Variants in SKOR2 observed in about 807,000 individuals in gnomAD.
The protein encoded by SKOR2 is LBX1 corepressor 1-like protein.
SKOR2 carries 47 observed loss-of-function variants against 69.1 expected under a neutral mutation model. That is an observed-to-expected ratio of 0.68 (90% CI 0.54 to 0.87). The LOEUF is 0.87. Ranked by LOEUF, SKOR2 falls within the 40% of genes least tolerant of loss-of-function variation. The pLI is 0.00. For missense variants in SKOR2, 1,404 were observed against 1,472.2 expected, an observed-to-expected ratio of 0.95 and a Z score of 0.76; for synonymous variants, 717 against 672.6, an observed-to-expected ratio of 1.07 and a Z score of -1.02.
intron 7 of SKOR2, among the ~76,000 whole-genome samples, chr18:47,214,479 C>T (rs575861012): frequency 1.1e-4 from 17 of 151,830 alleles, no homozygotes; most frequent in Non-Finnish European, 2.4e-4. Flanking sequence ...CAAAAAACAA[C>T]AAAGATAAAA....
At chr18:47,225,643 A>G (rs995602352) in intron 6 of SKOR2, among the ~76,000 whole-genome samples, 1 of 152,188 alleles carries the variant, frequency 6.6e-6, no homozygotes, top group Non-Finnish European at 1.5e-5. Context: ...AGAAATGAAC[A>G]CAACAGGACT....
intron 6 of SKOR2, 24 bp downstream of exon 6, chr18:47,230,434 CA>C (rs779392951): frequency 7.9e-7 from 1 of 1,272,222 alleles, no homozygotes; most frequent in South Asian, 2.0e-5. Context: ...ATCATAAATA[CA>C]ATGAAATAAA....
Position 47,247,861 on chromosome 18 carries a change from G to T in SKOR2, c.1323C>A (p.Gly441=). 1.5e-6 allele frequency: 2 copies of T among 1,358,968 alleles called. No homozygotes were observed. The highest frequency in any genetic ancestry group is 3.1e-5 in the East Asian group (1 of 32,000). The allele number at this position is 1,358,968 out of a possible 1,614,324, so 84.2% of individuals were successfully genotyped here. A position where few individuals can be genotyped will look rare whatever the true frequency, so the allele number is the denominator to read the frequency against. ...AGCCGGCCTTGGGCGCCGCGCCCGC[G>T]CCGCCTGCGCCCGCGCCCCCCAGGG... ...AEALGGAGAG[G]AGAAPKAGLS... The change falls in exon 2 of 9, where the codon GGC becomes GGA. Residue 441 remains glycine, a synonymous_variant. Coordinates refer to ENST00000425639, the MANE Select transcript of SKOR2 (RefSeq NM_001278063.4). This position sits in a 1 kb window ranked among gnomAD's most constrained non-coding sequence, Gnocchi z 6.6.
At chr18:47,242,269 C>T (rs1239016859) in intron 4 of SKOR2, among the ~76,000 whole-genome samples, 1 of 152,010 alleles carries the variant, frequency 6.6e-6, no homozygotes, top group Middle Eastern at 3.2e-3. Context: ...TATACAGAGA[C>T]TATTAATATA....
Position 47,230,446 on chromosome 18 carries a change from A to C in SKOR2, c.2917+13T>G, listed in dbSNP as rs1167505605. On this transcript the variant is annotated intron_variant, in intron 6 of 8. Coordinates refer to ENST00000425639, the MANE Select transcript of SKOR2 (RefSeq NM_001278063.4). ...ATTATCATAAATACAATGAAATAAA[A>C]GTGATTTCTTACTGAATACTGGGAA... 2 of 1,352,860 alleles carry C rather than the reference A, an allele frequency of 1.5e-6. No homozygotes were observed. The highest frequency in any genetic ancestry group is 2.7e-5 in the East Asian group (1 of 37,254). The allele number at this position is 1,352,860 out of a possible 1,614,324, so 83.8% of individuals were successfully genotyped here.
chr18:47,243,810 TGCC>T (rs2064259276), intron 4 of SKOR2, among the ~76,000 whole-genome samples: 1 of 152,190 alleles, frequency 6.6e-6, no homozygotes, highest in Admixed American at 6.5e-5. Flanking sequence ...AAACAGGTAA[TGCC>T]ATAATGCACA....
At chr18:47,217,281 T>C (rs1379219322) in intron 7 of SKOR2, among the ~76,000 whole-genome samples, 1 of 152,240 alleles carries the variant, frequency 6.6e-6, no homozygotes, top group East Asian at 1.9e-4. Flanking sequence ...GTACATTTCA[T>C]GTTTATTACT....
Position 47,247,606 on chromosome 18 carries a change from C to T in SKOR2, c.1578G>A (p.Ala526=), listed in dbSNP as rs777479911. 49 of 1,273,382 alleles carry T rather than the reference C, an allele frequency of 3.8e-5. No individual in the cohort carries two copies. The highest frequency in any genetic ancestry group is 8.2e-5 in the Admixed American group (2 of 24,258). The allele number at this position is 1,273,382 out of a possible 1,614,324, so 78.9% of individuals were successfully genotyped here. A position where few individuals can be genotyped will look rare whatever the true frequency, so the allele number is the denominator to read the frequency against. Residue 526 remains alanine, a synonymous_variant, in exon 2 of 9, where the codon GCG becomes GCA. Transcript: ENST00000425639. This position sits in a 1 kb window ranked among gnomAD's most constrained non-coding sequence, Gnocchi z 6.6. ...PGGAAGSAEA[A]PPPGQPPQVV... ...CCTGCGGGGGCTGCCCCGGCGGGGG[C>T]GCGGCCTCGGCGCTCCCAGCAGCAC...
At chr18:47,235,692 A>T (rs537059618) in intron 4 of SKOR2, among the ~76,000 whole-genome samples, 1 of 145,886 alleles carries the variant, frequency 6.9e-6, no homozygotes, top group South Asian at 2.4e-4. Flanking sequence ...TATGAGAAAG[A>T]TGGGTGAGAG....
Position 47,206,900 on chromosome 18 carries a change from A to G in SKOR2, c.*4-8T>C, listed in dbSNP as rs1463170100. On this transcript the variant is annotated splice_polypyrimidine_tract_variant and splice_region_variant and intron_variant, in intron 8 of 8. Transcript: ENST00000425639. The stretch of plus-strand genomic sequence containing the variant: ...GTAAGTAGTTCTGTGCACCTGGGAT[A>G]AGACAAAAGCATAGAATGACAAGCT... The G allele has an allele frequency of 6.6e-6, 1 of 152,244 alleles. No homozygotes were observed. The highest frequency in any genetic ancestry group is 6.5e-5 in the Admixed American group (1 of 15,274). The allele number at this position is 152,244 out of a possible 1,614,324, so 9.4% of individuals were successfully genotyped here.
chr18:47,242,265 G>A (rs755961317), intron 4 of SKOR2, among the ~76,000 whole-genome samples: 5 of 152,040 alleles, frequency 3.3e-5, no homozygotes, highest in Non-Finnish European at 5.9e-5. Context: ...CAAATATACA[G>A]AGACTATTAA....
chr18:47,227,575 CCT>C (rs2064183148), intron 6 of SKOR2, among the ~76,000 whole-genome samples: 1 of 152,138 alleles, frequency 6.6e-6, no homozygotes, highest in Non-Finnish European at 1.5e-5. Flanking sequence ...AAGTGATCTG[CCT>C]GGCTCAGCCT....
At chr18:47,220,124 T>A in intron 6 of SKOR2, 114 bp from the exon 7 acceptor site, 4 of 795,536 alleles carry the variant, frequency 5.0e-6, no homozygotes, top group Non-Finnish European at 5.9e-6. Context: ...TTTTAAGTAT[T>A]TTTTTCATAG....
At chr18:47,215,274 ATATT>A (rs2064140473) in intron 7 of SKOR2, among the ~76,000 whole-genome samples, 1 of 152,184 alleles carries the variant, frequency 6.6e-6, no homozygotes, top group African/African-American at 2.4e-5. Context: ...CTTTTGATGC[ATATT>A]TAGACACAGA....
At chr18:47,239,719 G>A (rs527497359) in intron 4 of SKOR2, among the ~76,000 whole-genome samples, 4 of 152,010 alleles carry the variant, frequency 2.6e-5, no homozygotes, top group African/African-American at 4.8e-5. Context: ...AGAAGGAAAC[G>A]TTCATAAATA....
Position 47,249,072 on chromosome 18 carries a change from G to T in SKOR2, c.112C>A (p.Pro38Thr), listed in dbSNP as rs868587404. The change falls in exon 2 of 9, where the codon CCC becomes ACC. Residue 38 changes from proline (P) to threonine (T), a missense_variant. This residue lies in a region of SKOR2 where 104 missense variants were observed against 95.7 expected (regional missense o/e 1.09). Transcript: ENST00000425639. The stretch of plus-strand genomic sequence containing the variant: ...AGGATCACCTGGCCCACCTGGTTGG[G>T]TTTGAGGTTGGCGTGCCCTGGCCGC... The part of the protein sequence containing the change: ...QPRPGHANLK[P>T]NQVGQVILYG... 5 of 1,536,782 alleles carry T rather than the reference G, an allele frequency of 3.3e-6. No homozygotes were observed. The African/African-American group carries it at 5.5e-5, about 17-fold the overall frequency.
At chr18:47,213,662 A>T (rs1438214532) in intron 7 of SKOR2, among the ~76,000 whole-genome samples, 1 of 152,124 alleles carries the variant, frequency 6.6e-6, no homozygotes, top group African/African-American at 2.4e-5. Flanking sequence ...CAACATAAAC[A>T]TGTCAGATAG....
At chr18:47,230,669 G>A in intron 5 of SKOR2, 112 bp from the exon 6 acceptor site, 1 of 717,806 alleles carries the variant, frequency 1.4e-6, no homozygotes. Context: ...AGTTTAAAAA[G>A]TGTTGCATAG....
chr18:47,220,917 G>T (rs2064159224), intron 6 of SKOR2, among the ~76,000 whole-genome samples: 1 of 152,054 alleles, frequency 6.6e-6, no homozygotes. Context: ...GCCAACTGGT[G>T]TGTGAGTTCT....
Sources: allele counts gnomAD v4.1 joint callset (sites outside exome capture counted in the v4.1 genomes callset), GRCh38; gene constraint gnomAD v4.1.1; regional missense constraint gnomAD v4.1.1; non-coding constraint Gnocchi (gnomAD v3.1); transcripts MANE v1.5; gene names NCBI Gene and HGNC (gene_info 2026-07-23, HGNC 2026-07-21).